The following EPOR variants were observed in gnomAD, a reference collection of about 807,000 sequenced individuals.
EPOR encodes erythropoietin receptor.
Under a neutral mutation model 34.3 loss-of-function variants are expected in EPOR, and 20 were observed. That is an observed-to-expected ratio of 0.58 (90% CI 0.41 to 0.85). The LOEUF is 0.85. Ranked by LOEUF, EPOR falls within the 40% of genes least tolerant of loss-of-function variation. The pLI is 0.00. For missense variants in EPOR, 601 were observed against 672.7 expected, an observed-to-expected ratio of 0.89 and a Z score of 1.18; for synonymous variants, 312 against 299.0, an observed-to-expected ratio of 1.04 and a Z score of -0.45.
chr19:11,381,603 TG>T lies in EPOR; in HGVS notation c.585+88del. 1.4e-6 allele frequency: 2 copies of T among 1,406,536 alleles called. No individual in the cohort carries two copies. The highest frequency in any genetic ancestry group is 1.9e-6 in the Non-Finnish European group (2 of 1,030,332). 87.1% of individuals were successfully genotyped at this position (1,406,536 alleles called of 1,614,324 possible). ...GATGTGGGATGTTACGGACCGGCCC[TG>T]AAAGCGGCACCGGGCGCGACCTCGA... On this transcript the variant is annotated intron_variant, in intron 4 of 7. Transcript: ENST00000222139. The surrounding 1 kb of genome is among the most constrained non-coding windows in gnomAD (Gnocchi z 5.3).
intron 2 of EPOR, among the ~76,000 whole-genome samples, chr19:11,382,476 G>T (rs1968376197): frequency 6.6e-6 from 1 of 150,864 alleles, no homozygotes; most frequent in Non-Finnish European, 1.5e-5. Context: ...CGATTCTCCT[G>T]CCTCAGCCTC....
Position 11,382,073 on chromosome 19 carries a change from T to G in EPOR, c.284A>C (p.Gln95Pro). 1 of 1,613,934 alleles carries G rather than the reference T, an allele frequency of 6.2e-7. No homozygotes were observed. The highest frequency in any genetic ancestry group is 8.5e-7 in the Non-Finnish European group (1 of 1,179,954). ...CACCGCACCACGAGCCGTGGGAGCC[T>G]GGTGCAGGCGACACAGCTTCCATGG... is the stretch of plus-strand genomic sequence containing the variant. Reference protein sequence around the residue: ...DEPWKLCRLHQAPTARGAVRF... With the variant: ...DEPWKLCRLHPAPTARGAVRF... The change falls in exon 3 of 8, where the codon CAG becomes CCG. Residue 95 changes from glutamine to proline, a missense_variant. Coordinates refer to ENST00000222139, the MANE Select transcript of EPOR (RefSeq NM_000121.4).
At position 11,378,217 on chromosome 19, in the gene EPOR, T is replaced by G. The variant is rs1453660152; in HGVS notation, c.1294A>C (p.Ser432Arg). ...GTCCATGGACGCAAGAGCTGGGAGCTGGGGTCCAGGATAGTGTACTCAAAG... is the reference window on the plus strand; with the variant it reads ...GTCCATGGACGCAAGAGCTGGGAGCGGGGGTCCAGGATAGTGTACTCAAAG... ...ASFEYTILDPSSQLLRPWTLC... is the reference protein window; with the variant it reads ...ASFEYTILDPRSQLLRPWTLC... The change falls in exon 8 of 8, where the codon AGC (serine) becomes CGC (arginine). Residue 432 changes from serine to arginine, a missense_variant. Coordinates refer to ENST00000222139, the MANE Select transcript of EPOR (RefSeq NM_000121.4). This position sits in a 1 kb window ranked among gnomAD's most constrained non-coding sequence, Gnocchi z 5.3. The G allele has an allele frequency of 6.2e-7, 1 of 1,614,030 alleles. No individual in the cohort carries two copies. The highest frequency in any genetic ancestry group is 8.5e-7 in the Non-Finnish European group (1 of 1,180,006).
At chr19:11,382,145 C>T (rs766844526) in intron 2 of EPOR, 40 bp from the exon 3 acceptor site, 5 of 1,586,974 alleles carry the variant, frequency 3.2e-6, no homozygotes, top group Non-Finnish European at 4.3e-6. Flanking sequence ...GAGGGGGGAC[C>T]GGGGAGTTGG....
Position 11,378,044 on chromosome 19 carries a change from A to C in EPOR, c.1467T>G (p.Tyr489Ter), listed in dbSNP as rs770608744. 6.2e-7 allele frequency: 1 copy of C among 1,614,034 alleles called. No homozygotes were observed. The highest frequency in any genetic ancestry group is 1.3e-5 in the African/African-American group (1 of 74,918). ...CAGCGGCTGGGATAAGGCTGTTCTC[A>C]TAAGGGTTGGAGTAGGGGCCATCGG... Reference protein sequence around the residue: ...GLSDGPYSNPYENSLIPAAEP... With the variant: ...GLSDGPYSNP The change falls in exon 8 of 8, where the codon TAT becomes TAG. Residue 489 changes from tyrosine to a stop codon, truncating the protein, a stop_gained. Coordinates refer to ENST00000222139, the MANE Select transcript of EPOR (RefSeq NM_000121.4). LOFTEE classifies it high-confidence loss of function. The surrounding 1 kb of genome is among the most constrained non-coding windows in gnomAD (Gnocchi z 5.3).
At position 11,383,391 on chromosome 19, in the gene EPOR, G is replaced by A. The variant is rs1968392149; in HGVS notation, c.116-159C>T. 1.5e-6 allele frequency: 1 copy of A among 688,564 alleles called. No individual in the cohort carries two copies. The highest frequency in any genetic ancestry group is 2.3e-6 in the Non-Finnish European group (1 of 426,756). The allele number at this position is 688,564 out of a possible 1,614,324, so 42.7% of individuals were successfully genotyped here. On this transcript the variant is annotated intron_variant, in intron 1 of 7. Coordinates refer to ENST00000222139, the MANE Select transcript of EPOR (RefSeq NM_000121.4). The surrounding 1 kb of genome is among the most constrained non-coding windows in gnomAD (Gnocchi z 4.9). Reference sequence around the variant, plus strand: ...GTCCCTTGGAGGGGTCCGCAGAGGTGGTGCCCCCCTAATTCCCAGGGGCAA... The same window carrying A: ...GTCCCTTGGAGGGGTCCGCAGAGGTAGTGCCCCCCTAATTCCCAGGGGCAA...
At position 11,378,041 on chromosome 19, in the gene EPOR, C is replaced by G. The variant is rs377657947; in HGVS notation, c.1470G>C (p.Glu490Asp). 4 of 1,614,008 alleles carry G rather than the reference C, an allele frequency of 2.5e-6. No individual in the cohort carries two copies. In the East Asian group the frequency reaches 8.9e-5, roughly 36 times the overall value. Residue 490 changes from glutamate (E) to aspartate (D), a missense_variant, in exon 8 of 8, where the codon GAG (glutamate) becomes GAC (aspartate). Coordinates refer to ENST00000222139, the MANE Select transcript of EPOR (RefSeq NM_000121.4). This position sits in a 1 kb window ranked among gnomAD's most constrained non-coding sequence, Gnocchi z 5.3. ...LSDGPYSNPYENSLIPAAEPL... is the reference protein window; with the variant it reads ...LSDGPYSNPYDNSLIPAAEPL... ...GCTCAGCGGCTGGGATAAGGCTGTTCTCATAAGGGTTGGAGTAGGGGCCAT... is the reference window on the plus strand; with the variant it reads ...GCTCAGCGGCTGGGATAAGGCTGTTGTCATAAGGGTTGGAGTAGGGGCCAT...
At chr19:11,382,944 C>A in intron 2 of EPOR, 153 bp downstream of exon 2, 1 of 1,551,352 alleles carries the variant, frequency 6.4e-7, no homozygotes, top group Non-Finnish European at 8.6e-7. Context: ...AGAGGGCGTG[C>A]CAGCCCTGGA....
chr19:11,381,686 C>T lies in EPOR; in HGVS notation c.585+6G>A, dbSNP rs567166322. On this transcript the variant is annotated splice_donor_region_variant and intron_variant, in intron 4 of 7. Coordinates refer to ENST00000222139, the MANE Select transcript of EPOR (RefSeq NM_000121.4). This position sits in a 1 kb window ranked among gnomAD's most constrained non-coding sequence, Gnocchi z 5.3. ...TTGGGGGCTGGGCCGTAGGGGCTGGCCTCACCCTCTGTACGCTCCCTGCGC... is the reference window on the plus strand; with the variant it reads ...TTGGGGGCTGGGCCGTAGGGGCTGGTCTCACCCTCTGTACGCTCCCTGCGC... 12 of 1,601,942 alleles carry T rather than the reference C, an allele frequency of 7.5e-6. No individual in the cohort carries two copies. Among genetic ancestry groups the T allele is most frequent in the Middle Eastern group, 1.8e-4 (1 of 5,640 alleles).
In EPOR at chr19:11,383,269, G is replaced by C. The variant is rs112978768; in HGVS notation, c.116-37C>G. On this transcript the variant is annotated intron_variant, in intron 1 of 7. Coordinates refer to ENST00000222139, the MANE Select transcript of EPOR (RefSeq NM_000121.4). The surrounding 1 kb of genome is among the most constrained non-coding windows in gnomAD (Gnocchi z 4.9). ...CGACAAAGGAAGGGCATGGGGGTCT[G>C]AGCTCTATCCTCGGGAGACAGCCCC... 3,938 of 1,552,948 alleles carry C rather than the reference G, an allele frequency of 2.5e-3. 93 individuals carry two copies. The African/African-American group carries it at 0.043, about 17-fold the overall frequency.
intron 6 of EPOR, among the ~76,000 whole-genome samples, chr19:11,379,324 A>G (rs552795592): frequency 5.3e-5 from 8 of 152,236 alleles, no homozygotes; most frequent in Admixed American, 1.3e-4. Context: ...GCTCATGCCT[A>G]TAATCCCAGC....
chr19:11,380,796 G>C, intron 6 of EPOR, 88 bp downstream of exon 6: 1 of 1,095,958 alleles, frequency 9.1e-7, no homozygotes, highest in Non-Finnish European at 1.4e-6. Flanking sequence ...GGGCAAGTGC[G>C]TGTCTCTCTC....
rs1968366098 is a variant in EPOR at position 11,381,859 on chromosome 19, T to A, written c.428-10A>T. 1.2e-6 allele frequency: 2 copies of A among 1,613,994 alleles called. No homozygotes were observed. Among genetic ancestry groups the A allele is most frequent in the African/African-American group, 1.3e-5 (1 of 74,932 alleles). On this transcript the variant is annotated splice_polypyrimidine_tract_variant and intron_variant, in intron 3 of 7. Coordinates refer to ENST00000222139, the MANE Select transcript of EPOR (RefSeq NM_000121.4). This position sits in a 1 kb window ranked among gnomAD's most constrained non-coding sequence, Gnocchi z 5.3. ...GGGGCGTCTAGGAGCACTGCAGGCATGGGGGTTGGTCAGGTGGGCGAGGAC... is the reference window on the plus strand; with the variant it reads ...GGGGCGTCTAGGAGCACTGCAGGCAAGGGGGTTGGTCAGGTGGGCGAGGAC...
Position 11,378,069 on chromosome 19 carries a change from G to T in EPOR, c.1442C>A (p.Ser481Tyr), listed in dbSNP as rs1416667816. 10 of 1,614,028 alleles carry T rather than the reference G, an allele frequency of 6.2e-6. No homozygotes were observed. In the Admixed American group the frequency reaches 1.7e-4, roughly 27 times the overall value. ...GDSQGAQGGL[S>Y]DGPYSNPYEN... The stretch of plus-strand genomic sequence containing the variant: ...ATAAGGGTTGGAGTAGGGGCCATCG[G>T]ATAAGCCCCCTTGGGCTCCCTGGGA... Residue 481 changes from serine to tyrosine, a missense_variant, in exon 8 of 8, where the codon TCC becomes TAC. Physicochemically the swap from Ser to Tyr is moderately radical, Grantham distance 144. Transcript: ENST00000222139. This position sits in a 1 kb window ranked among gnomAD's most constrained non-coding sequence, Gnocchi z 5.3.
At position 11,381,597 on chromosome 19, in the gene EPOR, C is replaced by A. The variant is rs1267681399; in HGVS notation, c.585+95G>T. On this transcript the variant is annotated intron_variant, in intron 4 of 7. Transcript: ENST00000222139. This position sits in a 1 kb window ranked among gnomAD's most constrained non-coding sequence, Gnocchi z 5.3. ...TAATGGGATGTGGGATGTTACGGAC[C>A]GGCCCTGAAAGCGGCACCGGGCGCG... 2 of 1,303,794 alleles carry A rather than the reference C, an allele frequency of 1.5e-6. No individual in the cohort carries two copies. Among genetic ancestry groups the A allele is most frequent in the Admixed American group, 4.1e-5 (2 of 48,346 alleles). 80.8% of individuals were successfully genotyped at this position (1,303,794 alleles called of 1,614,324 possible). A position where few individuals can be genotyped will look rare whatever the true frequency, so the allele number is the denominator to read the frequency against.
intron 6 of EPOR, among the ~76,000 whole-genome samples, chr19:11,379,426 A>G (rs1339195903): frequency 6.6e-6 from 1 of 152,050 alleles, no homozygotes; most frequent in Non-Finnish European, 1.5e-5. Context: ...TACTAAAACT[A>G]CAAAATTAGC....
rs1968299573 is a variant in EPOR at position 11,377,765 on chromosome 19, A to G, written c.*219T>C. The G allele has an allele frequency of 1.4e-6, 1 of 693,290 alleles. No individual in the cohort carries two copies. Among genetic ancestry groups the G allele is most frequent in the East Asian group, 2.9e-5 (1 of 35,026 alleles). The allele number at this position is 693,290 out of a possible 1,614,324, so 42.9% of individuals were successfully genotyped here. ...TGTAGAAATCATGGTAGAAAAACTT[A>G]CATACATATGTGTATATATATATAT... is the stretch of plus-strand genomic sequence containing the variant. On this transcript the variant is annotated 3_prime_UTR_variant, in exon 8 of 8. Transcript: ENST00000222139.
Position 11,383,166 on chromosome 19 carries a change from A to T in EPOR, c.182T>A (p.Val61Glu). 6.2e-7 allele frequency: 1 copy of T among 1,612,740 alleles called. No homozygotes were observed. The highest frequency in any genetic ancestry group is 1.1e-5 in the South Asian group (1 of 91,074). ...LCFTERLEDL[V>E]CFWEEAASAG... is the part of the protein sequence containing the mutation. Reference sequence around the variant, plus strand: ...GCTCGCCGCTTCCTCCCAGAAACACACCAAGTCCTCCAACCGCTCGGTGAA... The same window carrying T: ...GCTCGCCGCTTCCTCCCAGAAACACTCCAAGTCCTCCAACCGCTCGGTGAA... The change falls in exon 2 of 8, where the codon GTG (valine) becomes GAG (glutamate). Residue 61 changes from valine to glutamate, a missense_variant. Transcript: ENST00000222139. The surrounding 1 kb of genome is among the most constrained non-coding windows in gnomAD (Gnocchi z 4.9).
Position 11,381,327 on chromosome 19 carries a change from G to T in EPOR, c.586-118C>A. The T allele has an allele frequency of 1.8e-6, 2 of 1,139,192 alleles. No individual in the cohort carries two copies. 70.6% of individuals were successfully genotyped at this position (1,139,192 alleles called of 1,614,324 possible). A position where few individuals can be genotyped will look rare whatever the true frequency, so the allele number is the denominator to read the frequency against. Reference sequence around the variant, plus strand: ...GAAAACGGTGCCCTAGAATTGCAATGGGACCAATAAGAGTAGGGGGAGGAG... The same window carrying T: ...GAAAACGGTGCCCTAGAATTGCAATTGGACCAATAAGAGTAGGGGGAGGAG... On this transcript the variant is annotated intron_variant, in intron 4 of 7. Transcript: ENST00000222139. The surrounding 1 kb of genome is among the most constrained non-coding windows in gnomAD (Gnocchi z 5.3).
Sources: gnomAD v4.1 joint callset for allele counts (sites outside exome capture counted in the v4.1 genomes callset) on GRCh38, gnomAD v4.1.1 for gene constraint, Gnocchi (gnomAD v3.1) non-coding constraint, MANE v1.5 for transcripts, NCBI Gene and HGNC (gene_info 2026-07-23, HGNC 2026-07-21) for gene names.